TSPYL2: variants seen among roughly 807,000 people sequenced by gnomAD.
TSPYL2 encodes the protein TSPY like 2.
TSPYL2 carries 9 observed loss-of-function variants against 33.0 expected under a neutral mutation model. That is an observed-to-expected ratio of 0.27 (90% CI 0.16 to 0.48). The LOEUF is 0.48. Among genes scored for constraint, TSPYL2 ranks in the 20% least tolerant of loss-of-function variants. The probability of loss-of-function intolerance (pLI) is 0.99; values close to 1 mark genes in which losing one functional copy is unlikely to be tolerated. For missense variants in TSPYL2, 636 were observed against 586.2 expected, an observed-to-expected ratio of 1.08 and a Z score of -0.88; for synonymous variants, 330 against 233.6, an observed-to-expected ratio of 1.41 and a Z score of -3.77.
chrX:53,085,136 C>G (rs1379626905), intron 4 of TSPYL2, 37 bp downstream of exon 4: 12 of 1,194,939 alleles, frequency 1.0e-5, no homozygotes, highest in Non-Finnish European at 1.4e-5. Flanking sequence ...GAAGGCCTTG[C>G]TAGGCTTGTT....
intron 5 of TSPYL2, 63 bp downstream of exon 5, chrX:53,085,384 C>T (rs1166598783): frequency 3.5e-5 from 35 of 995,617 alleles, no homozygotes; most frequent in Non-Finnish European, 4.9e-5. Flanking sequence ...TAGTGTAACA[C>T]AGGATTTATG....
Position 53,084,768 on chromosome X carries a change from G to T in TSPYL2, c.899G>T (p.Arg300Ile). 1 of 1,210,014 alleles carries T rather than the reference G, an allele frequency of 8.3e-7. No individual in the cohort carries two copies. The highest frequency in any genetic ancestry group is 1.7e-5 in the African/African-American group (1 of 57,532). The change falls in exon 3 of 7, where the codon AGA becomes ATA. Residue 300 changes from arginine (R) to isoleucine (I), a missense_variant. Arg to Ile is a moderately conservative substitution (Grantham distance 97). This residue lies in a region of TSPYL2 where 401 missense variants were observed against 363.0 expected (regional missense o/e 1.10). Coordinates refer to ENST00000375442, the MANE Select transcript of TSPYL2 (RefSeq NM_022117.4). ...YLTNLQVQDLRHISMGYKMKL... is the reference protein window; with the variant it reads ...YLTNLQVQDLIHISMGYKMKL... ...CACCTGGAGCAGGTACAGGATCTCAGACATATCTCCATGGGCTACAAAATG... is the reference window on the plus strand; with the variant it reads ...CACCTGGAGCAGGTACAGGATCTCATACATATCTCCATGGGCTACAAAATG...
In TSPYL2 at chrX:53,082,427, A is replaced by G. The variant is rs1602101341; in HGVS notation, c.-72A>G. 3 of 1,016,934 alleles carry G rather than the reference A, an allele frequency of 3.0e-6. No individual in the cohort carries two copies. Among genetic ancestry groups the G allele is most frequent in the Non-Finnish European group, 3.9e-6 (3 of 774,399 alleles). The allele number at this position is 1,016,934 out of a possible 1,213,427, so 83.8% of individuals were successfully genotyped here. On this transcript the variant is annotated 5_prime_UTR_variant, in exon 1 of 7. Transcript: ENST00000375442. ...CTCCTCAGCTCTGCTTACCGGTGCGACTAGCGGCAGCGACGCGGCTAAAAG... is the reference window on the plus strand; with the variant it reads ...CTCCTCAGCTCTGCTTACCGGTGCGGCTAGCGGCAGCGACGCGGCTAAAAG...
intron 1 of TSPYL2, 115 bp from the exon 2 acceptor site, chrX:53,084,430 A>G (rs1309689594): frequency 6.3e-6 from 4 of 634,504 alleles, no homozygotes; most frequent in African/African-American, 2.2e-5. Flanking sequence ...TACACACCAC[A>G]TAAGCACAGA....
In TSPYL2 at chrX:53,084,942, C is replaced by T. The variant is rs782151009; in HGVS notation, c.998-12C>T. 2 of 1,209,395 alleles carry T rather than the reference C, an allele frequency of 1.7e-6. No homozygotes were observed. Among genetic ancestry groups the T allele is most frequent in the Admixed American group, 4.4e-5 (2 of 45,920 alleles). On this transcript the variant is annotated splice_polypyrimidine_tract_variant and intron_variant, in intron 3 of 6. Transcript: ENST00000375442. ...TGTTTTGTCCCATCTCCATAGCCTT[C>T]TCTCTCCCTAGGCCGGCTGGTGTCT...
At chrX:53,086,727 T>C (rs7891374) in intron 6 of TSPYL2, 39,534 of 139,307 alleles carry the variant, frequency 0.28, 6,408 homozygotes, top group African/African-American at 0.66. Context: ...GCTCTCTGAG[T>C]CCAGAAAAGG....
chrX:53,083,698 A>C (rs1298937375), intron 1 of TSPYL2, among the ~76,000 whole-genome samples: 3 of 111,216 alleles, frequency 2.7e-5, no homozygotes, highest in Non-Finnish European at 3.8e-5. Context: ...GAACTGACTC[A>C]GAGACCTTGA....
In TSPYL2 at chrX:53,085,778, C is replaced by T. The variant is rs1569228802; in HGVS notation, c.1386C>T (p.Phe462=). The T allele has an allele frequency of 3.3e-6, 4 of 1,211,589 alleles. No individual in the cohort carries two copies. The highest frequency in any genetic ancestry group is 2.3e-4 in the Middle Eastern group (1 of 4,355). The change falls in exon 6 of 7, where the codon TTC becomes TTT. Residue 462 remains phenylalanine, a synonymous_variant. Coordinates refer to ENST00000375442, the MANE Select transcript of TSPYL2 (RefSeq NM_022117.4). The part of the protein sequence containing the change: ...ISDFMETTDY[F]ETTDNEITDI... Reference sequence around the variant, plus strand: ...ACTTCATGGAGACCACCGACTACTTCGAGACCACTGACAATGAGATAACTG... The same window carrying T: ...ACTTCATGGAGACCACCGACTACTTTGAGACCACTGACAATGAGATAACTG...
chrX:53,082,387 G>T lies in TSPYL2; in HGVS notation c.-112G>T, dbSNP rs1412440539. On this transcript the variant is annotated 5_prime_UTR_variant, in exon 1 of 7. Transcript: ENST00000375442. ...ACGCCAGAGCGAGGTGGTGAGGAGA[G>T]CTGGTTGCGTGAGTCTCCTCAGCTC... 4.1e-6 allele frequency: 3 copies of T among 727,046 alleles called. No homozygotes were observed. The African/African-American group carries it at 6.9e-5, about 17-fold the overall frequency. 59.9% of individuals were successfully genotyped at this position (727,046 alleles called of 1,213,427 possible).
rs782044843 is a variant in TSPYL2, at chrX:53,087,798, C to T, written c.1941C>T (p.Ile647=). ...IEEGIQQDED[I]YEEGNYEEEG... is the part of the protein sequence containing the mutation. ...CAGGCATCCAGCAAGATGAGGACAT[C>T]TATGAGGAAGGAAACTATGAGGAGG... The change falls in exon 7 of 7, where the codon ATC becomes ATT. Residue 647 remains isoleucine, a synonymous_variant. Coordinates refer to ENST00000375442, the MANE Select transcript of TSPYL2 (RefSeq NM_022117.4). 5.8e-6 allele frequency: 7 copies of T among 1,209,081 alleles called. No individual in the cohort carries two copies. Among genetic ancestry groups the T allele is most frequent in the Non-Finnish European group, 4.5e-6 (4 of 894,496 alleles).
Position 53,082,420 on chromosome X carries a change from C to T in TSPYL2, c.-79C>T, listed in dbSNP as rs935074049. 8 of 983,567 alleles carry T rather than the reference C, an allele frequency of 8.1e-6. No individual in the cohort carries two copies. In the South Asian group the frequency reaches 1.7e-4, roughly 20 times the overall value. 81.1% of individuals were successfully genotyped at this position (983,567 alleles called of 1,213,427 possible). On this transcript the variant is annotated 5_prime_UTR_variant, in exon 1 of 7. Transcript: ENST00000375442. ...CGTGAGTCTCCTCAGCTCTGCTTAC[C>T]GGTGCGACTAGCGGCAGCGACGCGG...
chrX:53,082,558 T>C lies in TSPYL2; in HGVS notation c.60T>C (p.Ser20=). 8.7e-7 allele frequency: 1 copy of C among 1,154,131 alleles called. No individual in the cohort carries two copies. Among genetic ancestry groups the C allele is most frequent in the Non-Finnish European group, 1.1e-6 (1 of 871,213 alleles). Residue 20 remains serine, a synonymous_variant, in exon 1 of 7, where the codon TCT becomes TCC. Transcript: ENST00000375442. ...CCCGCCGCCTGAGCAGCTCCGAGTC[T>C]CCACAGCGCGACCCGCCCCCGCCGC... ...AKTRRLSSSE[S]PQRDPPPPPP...
intron 1 of TSPYL2, 47 bp downstream of exon 1, chrX:53,083,352 A>T: frequency 1.9e-6 from 2 of 1,051,999 alleles, no homozygotes; most frequent in Non-Finnish European, 2.6e-6. Flanking sequence ...CGTGACAGGA[A>T]AGGGGAAGGT....
rs1932741301 is a variant in TSPYL2, at chrX:53,085,324, A to G, written c.1238+3A>G. On this transcript the variant is annotated splice_donor_region_variant and intron_variant, in intron 5 of 6. Transcript: ENST00000375442. ...AAGAAGCAAGAAATGAAGAAACGGT[A>G]ATGGGAGTTTGGTCGCTGAGAGGTG... 8.4e-7 allele frequency: 1 copy of G among 1,196,097 alleles called. No individual in the cohort carries two copies. Among genetic ancestry groups the G allele is most frequent in the African/African-American group, 1.8e-5 (1 of 56,808 alleles).
At position 53,082,641 on chromosome X, in the gene TSPYL2, T is replaced by G; in HGVS notation, c.143T>G (p.Leu48Arg). 8.7e-7 allele frequency: 1 copy of G among 1,154,820 alleles called. No homozygotes were observed. Among genetic ancestry groups the G allele is most frequent in the South Asian group, 1.9e-5 (1 of 51,661 alleles). ...CCTCCACCCCAGCAGCGCCCGAGGC[T>G]CCAGGAGGAAACGGAGGCGGCACAG... ...PLPPPQQRPRLQEETEAAQVL... is the reference protein window; with the variant it reads ...PLPPPQQRPRRQEETEAAQVL... Residue 48 changes from leucine (L) to arginine (R), a missense_variant, in exon 1 of 7, where the codon CTC becomes CGC. Leu to Arg is a moderately radical substitution (Grantham distance 102). Coordinates refer to ENST00000375442, the MANE Select transcript of TSPYL2 (RefSeq NM_022117.4).
In TSPYL2 at chrX:53,083,050, G is replaced by A; in HGVS notation, c.552G>A (p.Arg184=). Residue 184 remains arginine, a synonymous_variant, in exon 1 of 7, where the codon AGG becomes AGA. Transcript: ENST00000375442. ...DEDEDERESM[R]SSRRRRRRRR... ...ATGAGGATGAGCGGGAGAGTATGAGGAGCAGCAGGAGGCGGCGGCGGCGGC... is the reference window on the plus strand; with the variant it reads ...ATGAGGATGAGCGGGAGAGTATGAGAAGCAGCAGGAGGCGGCGGCGGCGGC... 8.3e-7 allele frequency: 1 copy of A among 1,205,189 alleles called. No individual in the cohort carries two copies. Among genetic ancestry groups the A allele is most frequent in the Non-Finnish European group, 1.1e-6 (1 of 891,724 alleles).
intron 1 of TSPYL2, among the ~76,000 whole-genome samples, 167 bp from the exon 2 acceptor site, chrX:53,084,378 T>C (rs1329365095): frequency 8.9e-6 from 1 of 111,998 alleles, no homozygotes; most frequent in Non-Finnish European, 1.9e-5. Context: ...AGGTTTATCA[T>C]GGGAATAAGT....
Position 53,085,686 on chromosome X carries a change from G to A in TSPYL2, c.1294G>A (p.Ala432Thr). ...VIMEDAPDYYAVEDIFSEISD... is the reference protein window; with the variant it reads ...VIMEDAPDYYTVEDIFSEISD... ...CATGGAAGACGCCCCTGACTATTAT[G>A]CAGTGGAAGACATTTTCAGCGAGAT... Residue 432 changes from alanine to threonine, a missense_variant, in exon 6 of 7, where the codon GCA (alanine) becomes ACA (threonine). Physicochemically the swap from Ala to Thr is moderately conservative, Grantham distance 58. Coordinates refer to ENST00000375442, the MANE Select transcript of TSPYL2 (RefSeq NM_022117.4). 8.3e-7 allele frequency: 1 copy of A among 1,211,914 alleles called. No homozygotes were observed.
At chrX:53,084,008 C>T (rs1432824485) in intron 1 of TSPYL2, among the ~76,000 whole-genome samples, 1 of 111,897 alleles carries the variant, frequency 8.9e-6, no homozygotes, top group African/African-American at 3.3e-5. Flanking sequence ...AGACCCTTAG[C>T]CCTCATATGA....
Sources: gnomAD v4.1 joint callset for allele counts (sites outside exome capture counted in the v4.1 genomes callset) on GRCh38, gnomAD v4.1.1 for gene constraint, gnomAD v4.1.1 regional missense constraint, MANE v1.5 for transcripts, NCBI Gene and HGNC (gene_info 2026-07-23, HGNC 2026-07-21) for gene names.